FRY: variants seen among roughly 807,000 people sequenced by gnomAD.
FRY encodes FRY microtubule binding protein, also known as protein furry homolog.
Under a neutral mutation model 348.4 loss-of-function variants are expected in FRY, and 128 were observed. The observed-to-expected ratio is 0.37, with a 90% CI of 0.32 to 0.43. The LOEUF (loss-of-function observed/expected upper bound fraction) is 0.43. Ranked by LOEUF, FRY falls within the 20% of genes least tolerant of loss-of-function variation. The pLI, the probability that FRY is intolerant of heterozygous loss-of-function variation, is 1.00. For synonymous variants in FRY, 1,370 were observed against 1,374.7 expected (o/e 1.00, Z 0.08); for missense variants, 2,736 against 3,695.2 (o/e 0.74, Z 6.73).
intron 1 of FRY, among the ~76,000 whole-genome samples, chr13:32,051,054 A>C (rs559698383): frequency 7.9e-5 from 12 of 152,344 alleles, no homozygotes; most frequent in African/African-American, 2.6e-4. Context: ...TATGGTTGAG[A>C]ATAGAGGTAA....
chr13:32,283,396 T>C (rs1425862957), intron 58 of FRY, among the ~76,000 whole-genome samples: 2 of 152,190 alleles, frequency 1.3e-5, no homozygotes, highest in Non-Finnish European at 2.9e-5. Context: ...ATTGCTTTTC[T>C]TATAACAGAA....
chr13:32,183,047 A>G lies in FRY; in HGVS notation c.3054+13A>G. 6.5e-7 allele frequency: 1 copy of G among 1,542,722 alleles called. No homozygotes were observed. Among genetic ancestry groups the G allele is most frequent in the Non-Finnish European group, 9.0e-7 (1 of 1,117,056 alleles). On this transcript the variant is annotated intron_variant, in intron 24 of 60. Coordinates refer to ENST00000542859, the MANE Select transcript of FRY (RefSeq NM_023037.3). ...AAGAAGACCAGAGGTAAGAATTTGAATTTAAAAAATTAAGGCTTGGTTTTT... is the reference window on the plus strand; with the variant it reads ...AAGAAGACCAGAGGTAAGAATTTGAGTTTAAAAAATTAAGGCTTGGTTTTT...
chr13:32,266,668 CTT>C (rs765222540), intron 54 of FRY, among the ~76,000 whole-genome samples: 9 of 152,140 alleles, frequency 5.9e-5, no homozygotes, highest in Non-Finnish European at 1.2e-4. Flanking sequence ...TGCAAATTCT[CTT>C]TCCTCGAATC....
At chr13:32,209,770 C>A (rs1368595477) in intron 33 of FRY, 39 bp downstream of exon 33, 1 of 1,598,688 alleles carries the variant, frequency 6.3e-7, no homozygotes, top group East Asian at 2.2e-5. Flanking sequence ...ATTATTCCTG[C>A]AGGGACTCCC....
chr13:32,288,768 T>C (rs1889194899), intron 58 of FRY, among the ~76,000 whole-genome samples: 2 of 152,230 alleles, frequency 1.3e-5, no homozygotes, highest in African/African-American at 4.8e-5. Flanking sequence ...TGAAATTCTA[T>C]TGAGCAAAGG....
chr13:32,153,306 CCCGGT>C (rs1278922340), intron 14 of FRY, among the ~76,000 whole-genome samples: 2 of 152,058 alleles, frequency 1.3e-5, no homozygotes, highest in Non-Finnish European at 2.9e-5. Context: ...ATGTCCAAAC[CCCGGT>C]GAATGACTAA....
At chr13:32,211,788 C>A (rs1287583862) in intron 34 of FRY, among the ~76,000 whole-genome samples, 1 of 152,172 alleles carries the variant, frequency 6.6e-6, no homozygotes, top group Non-Finnish European at 1.5e-5. Context: ...CTTCTGCTGA[C>A]CTCATGCAGT....
chr13:32,063,150 C>T (rs898117261), intron 1 of FRY, among the ~76,000 whole-genome samples: 4 of 152,082 alleles, frequency 2.6e-5, no homozygotes, highest in East Asian at 1.9e-4. Context: ...CTTTAATTTG[C>T]GATGTTTATT....
intron 36 of FRY, among the ~76,000 whole-genome samples, chr13:32,220,468 T>G (rs1885257392): frequency 6.6e-6 from 1 of 152,258 alleles, no homozygotes; most frequent in Non-Finnish European, 1.5e-5. Context: ...GTGTGTCCCC[T>G]CAGGGGATTG....
intron 1 of FRY, among the ~76,000 whole-genome samples, chr13:32,065,545 A>G (rs904928568): frequency 6.6e-6 from 1 of 151,846 alleles, no homozygotes; most frequent in Non-Finnish European, 1.5e-5. Context: ...AGCTCAAGCA[A>G]TCCTCCTGTC....
intron 2 of FRY, chr13:32,085,740 C>A: frequency 2.6e-6 from 1 of 385,066 alleles, no homozygotes; most frequent in Non-Finnish European, 5.1e-6. Flanking sequence ...CTGGTGCTTC[C>A]TCTCTTTGTG....
At chr13:32,272,840 A>G (rs1479657903) in intron 55 of FRY, among the ~76,000 whole-genome samples, 4 of 151,752 alleles carry the variant, frequency 2.6e-5, no homozygotes, top group South Asian at 2.1e-4. Context: ...GGTTCAAGCA[A>G]TTCTCCTGCC....
At chr13:32,060,115 T>C (rs1473291328) in intron 1 of FRY, among the ~76,000 whole-genome samples, 3 of 152,248 alleles carry the variant, frequency 2.0e-5, no homozygotes, top group Non-Finnish European at 4.4e-5. Context: ...AAATCAAGAA[T>C]AGAAAATTAC....
At chr13:32,144,265 GT>G (rs113250288) in intron 11 of FRY, among the ~76,000 whole-genome samples, 4 of 147,052 alleles carry the variant, frequency 2.7e-5, no homozygotes, top group South Asian at 2.2e-4. Context: ...AAAAAGCCAG[GT>G]TTTTTTTTCT....
Position 32,209,501 on chromosome 13 carries a change from G to T in FRY, c.4276-84G>T. Reference sequence around the variant, plus strand: ...CTTCTTATGATTTTGAGACGGTCATGACCCTCAAAACTACTTTCAGTCAAA... The same window carrying T: ...CTTCTTATGATTTTGAGACGGTCATTACCCTCAAAACTACTTTCAGTCAAA... On this transcript the variant is annotated intron_variant, in intron 32 of 60. Coordinates refer to ENST00000542859, the MANE Select transcript of FRY (RefSeq NM_023037.3). The T allele has an allele frequency of 2.3e-6, 3 of 1,313,070 alleles. No individual in the cohort carries two copies. The South Asian group carries it at 3.5e-5, about 15-fold the overall frequency. 81.3% of individuals were successfully genotyped at this position (1,313,070 alleles called of 1,614,324 possible).
intron 1 of FRY, among the ~76,000 whole-genome samples, chr13:32,049,273 G>A (rs9525691): frequency 0.035 from 5,377 of 152,250 alleles, 102 homozygotes; most frequent in African/African-American, 0.043. Flanking sequence ...AGCAATTGCA[G>A]GGAGTTGGGG....
chr13:32,167,732 T>C (rs1417341293), intron 17 of FRY, among the ~76,000 whole-genome samples: 2 of 152,208 alleles, frequency 1.3e-5, no homozygotes, highest in African/African-American at 4.8e-5. Context: ...CTAAAAACGG[T>C]GGCTTGTTAT....
chr13:32,296,645 A>C lies in FRY; in HGVS notation c.*1185A>C, dbSNP rs2072067578. 6.6e-6 allele frequency: 1 copy of C among 151,316 alleles called. No individual in the cohort carries two copies. The highest frequency in any genetic ancestry group is 2.4e-5 in the African/African-American group (1 of 41,174). 9.4% of individuals were successfully genotyped at this position (151,316 alleles called of 1,614,324 possible). On this transcript the variant is annotated 3_prime_UTR_variant, in exon 61 of 61. Transcript: ENST00000542859. Reference sequence around the variant, plus strand: ...AAAAAAAAAGACAAAATACACGTTGACCATGGACTTTATTTCTGGTTAATG... The same window carrying C: ...AAAAAAAAAGACAAAATACACGTTGCCCATGGACTTTATTTCTGGTTAATG...
At chr13:32,066,721 A>G (rs190248150) in intron 1 of FRY, among the ~76,000 whole-genome samples, 5 of 152,168 alleles carry the variant, frequency 3.3e-5, no homozygotes, top group African/African-American at 1.2e-4. Context: ...TTTTCTCCCA[A>G]TTTACACAGC....
Sources: gnomAD v4.1 joint callset for allele counts (sites outside exome capture counted in the v4.1 genomes callset) on GRCh38, gnomAD v4.1.1 for gene constraint, MANE v1.5 for transcripts, NCBI Gene and HGNC (gene_info 2026-07-23, HGNC 2026-07-21) for gene names.